The following TOX variants were observed in gnomAD, a reference collection of about 807,000 sequenced individuals.
TOX encodes thymocyte selection associated high mobility group box.
TOX carries 11 observed loss-of-function variants against 53.7 expected under a neutral mutation model. The ratio of observed to expected loss-of-function variants is 0.20; its 90% CI spans 0.13 to 0.34. The LOEUF (loss-of-function observed/expected upper bound fraction) is 0.34, where lower values mean the gene tolerates loss of function less well. Among genes scored for constraint, TOX ranks in the 10% least tolerant of loss-of-function variants. TOX has a pLI of 1.00. For synonymous variants in TOX, 225 were observed against 245.3 expected (o/e 0.92, Z 0.77); for missense variants, 570 against 664.6 (o/e 0.86, Z 1.56).
At chr8:59,007,008 G>A (rs184818490) in intron 1 of TOX, among the ~76,000 whole-genome samples, 1 of 152,278 alleles carries the variant, frequency 6.6e-6, no homozygotes, top group African/African-American at 2.4e-5. Flanking sequence ...ACTTGTTGAT[G>A]GATTGAATCC....
intron 1 of TOX, among the ~76,000 whole-genome samples, chr8:58,986,983 C>G (rs7824317): frequency 8.5e-5 from 13 of 152,168 alleles, no homozygotes; most frequent in Admixed American, 2.0e-4. Flanking sequence ...AAATTAGAAA[C>G]GCCTAGTCTG....
chr8:58,992,895 T>A (rs1340029790), intron 1 of TOX: 1 of 152,216 alleles, frequency 6.6e-6, no homozygotes, highest in Non-Finnish European at 1.5e-5. Context: ...TTAAGGTATT[T>A]TCATTTTGTG....
chr8:58,998,538 T>TATAA (rs1491248348), intron 1 of TOX, among the ~76,000 whole-genome samples: 6 of 131,208 alleles, frequency 4.6e-5, no homozygotes, highest in African/African-American at 1.2e-4. Context: ...TATATATATA[T>TATAA]AAATTTATAT....
At chr8:58,965,835 C>T (rs1263706057) in intron 1 of TOX, among the ~76,000 whole-genome samples, 1 of 149,208 alleles carries the variant, frequency 6.7e-6, no homozygotes, top group Non-Finnish European at 1.5e-5. Flanking sequence ...AGGCTAATAT[C>T]CCCAAAACAA....
chr8:58,933,204 G>A (rs1418971833), intron 3 of TOX, among the ~76,000 whole-genome samples: 1 of 152,132 alleles, frequency 6.6e-6, no homozygotes, highest in Non-Finnish European at 1.5e-5. Context: ...CAAAGAACAA[G>A]CAATCACCAC....
At chr8:58,992,524 G>C (rs1813474905) in intron 1 of TOX, among the ~76,000 whole-genome samples, 1 of 151,976 alleles carries the variant, frequency 6.6e-6, no homozygotes, top group African/African-American at 2.4e-5. Flanking sequence ...TCTTTCTTCT[G>C]TATGGATTCA....
At chr8:58,923,409 G>T (rs903998936) in intron 3 of TOX, among the ~76,000 whole-genome samples, 1 of 152,136 alleles carries the variant, frequency 6.6e-6, no homozygotes, top group African/African-American at 2.4e-5. Flanking sequence ...TAAGATGAAC[G>T]AAGGATGAAT....
intron 3 of TOX, among the ~76,000 whole-genome samples, chr8:58,872,366 A>G (rs1220754471): frequency 6.6e-6 from 1 of 152,198 alleles, no homozygotes; most frequent in Non-Finnish European, 1.5e-5. Flanking sequence ...TAATTTATGT[A>G]GTTGTACACC....
At chr8:59,081,918 T>C in intron 1 of TOX, among the ~76,000 whole-genome samples, 1 of 152,212 alleles carries the variant, frequency 6.6e-6, no homozygotes, top group Non-Finnish European at 1.5e-5. Flanking sequence ...TGTGAATATA[T>C]ATTTCTTCAT....
rs1173710545 is a variant in TOX at position 58,873,958 on chromosome 8, C to CTTTTTTTTTTTTTTTTT, written c.412-22170_412-22154dup. Among the ~76,000 whole-genome samples, 57 of 40,136 alleles carry CTTTTTTTTTTTTTTTTT rather than the reference C, an allele frequency of 1.4e-3. 19 individuals carry two copies. Among genetic ancestry groups the CTTTTTTTTTTTTTTTTT allele is most frequent in the African/African-American group, 7.8e-3 (45 of 5,792 alleles). The allele number at this position is 40,136 out of a possible 152,430, so 26.3% of individuals were successfully genotyped here. ...AATACACATCCTGAATGCCAGGAAG[C>CTTTTTTTTTTTTTTTTT]TTTTTTTTTTTTTTTTTTTTTTTTT... On this transcript the variant is annotated intron_variant, in intron 3 of 8. Coordinates refer to ENST00000361421, the MANE Select transcript of TOX (RefSeq NM_014729.3).
At chr8:58,807,873 C>T in intron 8 of TOX, 90 bp from the exon 9 acceptor site, 1 of 1,541,576 alleles carries the variant, frequency 6.5e-7, no homozygotes, top group South Asian at 1.1e-5. Context: ...GAATTATTTG[C>T]TCCAGCTTGA....
intron 1 of TOX, among the ~76,000 whole-genome samples, chr8:58,973,096 A>G (rs1813030177): frequency 6.6e-6 from 1 of 152,230 alleles, no homozygotes; most frequent in Non-Finnish European, 1.5e-5. Flanking sequence ...TTTATTTTAA[A>G]AGCAGAACAA....
intron 3 of TOX, among the ~76,000 whole-genome samples, chr8:58,915,108 G>A (rs1370776981): frequency 1.3e-5 from 2 of 150,676 alleles, no homozygotes; most frequent in East Asian, 2.0e-4. Context: ...ACTGCAAGGC[G>A]GCAACGAGGC....
At chr8:58,990,689 A>T (rs1046240233) in intron 1 of TOX, among the ~76,000 whole-genome samples, 6 of 152,166 alleles carry the variant, frequency 3.9e-5, no homozygotes, top group Non-Finnish European at 7.3e-5. Flanking sequence ...AGCATCCCAG[A>T]GGTCTGCAGG....
At chr8:58,864,473 T>G (rs1403830316) in intron 3 of TOX, among the ~76,000 whole-genome samples, 2 of 152,196 alleles carry the variant, frequency 1.3e-5, no homozygotes, top group East Asian at 3.8e-4. Context: ...AGTCCCCAAA[T>G]ATGGGCCTAA....
At chr8:58,830,301 T>C (rs1231005098) in intron 5 of TOX, among the ~76,000 whole-genome samples, 1 of 152,118 alleles carries the variant, frequency 6.6e-6, no homozygotes, top group Non-Finnish European at 1.5e-5. Flanking sequence ...AGCTACCATA[T>C]CCCATCTAAG....
intron 1 of TOX, chr8:58,991,745 T>G (rs1404137408): frequency 1.3e-5 from 2 of 152,250 alleles, no homozygotes; most frequent in African/African-American, 4.8e-5. Context: ...ATTTCTTTAT[T>G]TTGCGAAGGG....
intron 1 of TOX, among the ~76,000 whole-genome samples, chr8:59,005,124 T>C (rs2129418374): frequency 6.6e-6 from 1 of 152,078 alleles, no homozygotes; most frequent in East Asian, 1.9e-4. Flanking sequence ...CTGCAAGCTC[T>C]GCCTCCCGGG....
intron 7 of TOX, among the ~76,000 whole-genome samples, chr8:58,815,103 TGAAAA>T (rs1252909375): frequency 6.6e-5 from 10 of 152,230 alleles, no homozygotes; most frequent in Non-Finnish European, 1.5e-4. Flanking sequence ...CCAGTGATTA[TGAAAA>T]GAAGTGACTG....
Sources: gnomAD v4.1 joint callset for allele counts (sites outside exome capture counted in the v4.1 genomes callset) on GRCh38, gnomAD v4.1.1 for gene constraint, MANE v1.5 for transcripts, NCBI Gene and HGNC (gene_info 2026-07-23, HGNC 2026-07-21) for gene names.